The following TTLL5 variants were observed in gnomAD, a reference collection of about 807,000 sequenced individuals.
TTLL5 encodes tubulin polyglutamylase TTLL5.
A neutral mutation model predicts 168.4 loss-of-function variants in TTLL5; 132 were observed. That is an observed-to-expected ratio of 0.78 (90% CI 0.68 to 0.91). TTLL5 has a LOEUF of 0.91. Ranked by LOEUF, TTLL5 falls within the 40% of genes least tolerant of loss-of-function variation. The probability of loss-of-function intolerance (pLI) is 0.00; values close to 1 mark genes in which losing one functional copy is unlikely to be tolerated. For synonymous variants in TTLL5, 546 were observed against 558.6 expected, an observed-to-expected ratio of 0.98 and a Z score of 0.32; for missense variants, 1,545 against 1,581.5, an observed-to-expected ratio of 0.98 and a Z score of 0.39.
chr14:75,669,921 T>C (rs985409059), intron 3 of TTLL5, among the ~76,000 whole-genome samples: 3 of 152,064 alleles, frequency 2.0e-5, no homozygotes, highest in African/African-American at 7.2e-5. Context: ...CCAGCCCCCA[T>C]ACCACCAGTC....
chr14:75,745,662 T>TC lies in TTLL5; in HGVS notation c.1487+87dup, dbSNP rs1305860974. ...AATTGTGATACACTGTCATCACTGC[T>TC]CCCCCCGATGATGCTTTTCTTATTT... On this transcript the variant is annotated intron_variant, in intron 17 of 31. Transcript: ENST00000298832. 1.3e-4 allele frequency: 140 copies of TC among 1,083,950 alleles called. 2 individuals carry two copies. In the East Asian group the frequency reaches 3.2e-3, roughly 25 times the overall value. 67.1% of individuals were successfully genotyped at this position (1,083,950 alleles called of 1,614,324 possible). A position where few individuals can be genotyped will look rare whatever the true frequency, so the allele number is the denominator to read the frequency against.
Position 75,779,655 on chromosome 14 carries a change from A to C in TTLL5, c.2468A>C (p.Lys823Thr), listed in dbSNP as rs1891926744. 4 of 1,613,738 alleles carry C rather than the reference A, an allele frequency of 2.5e-6. No homozygotes were observed. In the East Asian group the frequency reaches 8.9e-5, roughly 36 times the overall value. Residue 823 changes from lysine (K) to threonine (T), a missense_variant, in exon 24 of 32, where the codon AAA becomes ACA. Coordinates refer to ENST00000298832, the MANE Select transcript of TTLL5 (RefSeq NM_015072.5). Reference protein sequence around the residue: ...SASVFLGTHSKISKNNNNYSD... With the variant: ...SASVFLGTHSTISKNNNNYSD... ...AGTGTCTTCCTGGGGACTCACTCTA[A>C]AATTTCTAAGAACAACAACAATTAT...
intron 31 of TTLL5, among the ~76,000 whole-genome samples, chr14:75,903,813 T>C (rs1595240690): frequency 6.6e-6 from 1 of 151,686 alleles, no homozygotes; most frequent in Admixed American, 6.6e-5. Flanking sequence ...GAGGATCACT[T>C]GAGCCCAGGA....
At chr14:75,873,658 G>GT (rs938025430) in intron 29 of TTLL5, among the ~76,000 whole-genome samples, 77 of 3,074 alleles carry the variant, frequency 0.025, no homozygotes, top group East Asian at 0.22. Flanking sequence ...TCTTTTTTTA[G>GT]TTTTTTTTTT....
At chr14:75,819,437 C>T (rs558405859) in intron 27 of TTLL5, among the ~76,000 whole-genome samples, 20 of 152,196 alleles carry the variant, frequency 1.3e-4, no homozygotes, top group South Asian at 4.2e-4. Flanking sequence ...TTGTAATTTG[C>T]GTGTCTTTCT....
At chr14:75,906,399 C>T (rs1184796523) in intron 31 of TTLL5, among the ~76,000 whole-genome samples, 3 of 152,118 alleles carry the variant, frequency 2.0e-5, no homozygotes, top group Non-Finnish European at 4.4e-5. Flanking sequence ...TGTTCAAAAG[C>T]AAAAGAGAGA....
chr14:75,681,881 T>C (rs566972730), intron 4 of TTLL5, among the ~76,000 whole-genome samples: 6 of 152,106 alleles, frequency 3.9e-5, no homozygotes, highest in Admixed American at 1.3e-4. Context: ...GGGGCACCGT[T>C]GCCCATAAGG....
At chr14:75,902,087 G>A (rs2032946343) in intron 30 of TTLL5, 55 bp from the exon 31 acceptor site, 11 of 1,534,352 alleles carry the variant, frequency 7.2e-6, no homozygotes, top group Non-Finnish European at 9.0e-6. Flanking sequence ...CAGAGGTCCT[G>A]CACCTGACCT....
intron 31 of TTLL5, among the ~76,000 whole-genome samples, chr14:75,936,562 C>T (rs1278566160): frequency 1.3e-5 from 2 of 152,186 alleles, no homozygotes; most frequent in African/African-American, 4.8e-5. Flanking sequence ...GTTTGAGCAT[C>T]TTCCATCTTA....
chr14:75,763,807 G>A (rs771256657), intron 18 of TTLL5, among the ~76,000 whole-genome samples: 1 of 152,116 alleles, frequency 6.6e-6, no homozygotes, highest in African/African-American at 2.4e-5. Context: ...TAATGTAGCT[G>A]GTGCCAGCCC....
At chr14:75,862,577 A>T (rs578258808) in intron 28 of TTLL5, among the ~76,000 whole-genome samples, 1 of 152,256 alleles carries the variant, frequency 6.6e-6, no homozygotes, top group Admixed American at 6.5e-5. Flanking sequence ...AAGTGATCTG[A>T]GAGGGGAAAT....
At chr14:75,821,273 T>C (rs189213494) in intron 28 of TTLL5, among the ~76,000 whole-genome samples, 2 of 152,272 alleles carry the variant, frequency 1.3e-5, no homozygotes, top group Non-Finnish European at 2.9e-5. Context: ...TCATCTTAAC[T>C]GAGAATTATA....
intron 28 of TTLL5, among the ~76,000 whole-genome samples, chr14:75,862,122 A>G (rs2030063149): frequency 6.6e-6 from 1 of 152,140 alleles, no homozygotes; most frequent in South Asian, 2.1e-4. Context: ...TTCTTTCGTG[A>G]CTGACTTATT....
intron 28 of TTLL5, among the ~76,000 whole-genome samples, chr14:75,850,665 C>T (rs1315515482): frequency 6.6e-6 from 1 of 152,026 alleles, no homozygotes; most frequent in East Asian, 1.9e-4. Context: ...GGATGACAGG[C>T]AGGATTCACC....
chr14:75,844,151 G>T (rs990054883), intron 28 of TTLL5, among the ~76,000 whole-genome samples: 3 of 152,056 alleles, frequency 2.0e-5, no homozygotes, highest in African/African-American at 7.2e-5. Context: ...AAAGTGCTGG[G>T]ATTACAGACG....
At position 75,663,200 on chromosome 14, in the gene TTLL5, G is replaced by A. The variant is rs369916219; in HGVS notation, c.51G>A (p.Glu17=). The A allele has an allele frequency of 1.2e-6, 2 of 1,613,230 alleles. No individual in the cohort carries two copies. The highest frequency in any genetic ancestry group is 1.1e-5 in the South Asian group (1 of 90,688). Reference sequence around the variant, plus strand: ...TGGAGGAAACAGCATCATCCTCAGAGGATGAGGAGGTCATAAGTCAAGAGT... The same window carrying A: ...TGGAGGAAACAGCATCATCCTCAGAAGATGAGGAGGTCATAAGTCAAGAGT... ...RDLEETASSS[E]DEEVISQEDH... The change falls in exon 2 of 32, where the codon GAG becomes GAA. Residue 17 remains glutamate, a synonymous_variant. Transcript: ENST00000298832.
intron 28 of TTLL5, among the ~76,000 whole-genome samples, chr14:75,850,266 C>T (rs1161914834): frequency 6.6e-6 from 1 of 151,732 alleles, no homozygotes; most frequent in Non-Finnish European, 1.5e-5. Flanking sequence ...ATTATCCGGG[C>T]ATGGTGGCAC....
At chr14:75,950,865 G>C (rs2034940928) in intron 31 of TTLL5, among the ~76,000 whole-genome samples, 1 of 152,058 alleles carries the variant, frequency 6.6e-6, no homozygotes, top group East Asian at 1.9e-4. Flanking sequence ...CTACTCAGGA[G>C]ACTGAGGTGA....
At chr14:75,704,637 A>G (rs149808458) in intron 7 of TTLL5, among the ~76,000 whole-genome samples, 4 of 152,310 alleles carry the variant, frequency 2.6e-5, no homozygotes, top group Non-Finnish European at 5.9e-5. Context: ...ATAATTTGAA[A>G]TGAGTTAACT....
Sources: gnomAD v4.1 joint callset for allele counts (sites outside exome capture counted in the v4.1 genomes callset) on GRCh38, gnomAD v4.1.1 for gene constraint, MANE v1.5 for transcripts, NCBI Gene and HGNC (gene_info 2026-07-23, HGNC 2026-07-21) for gene names.